Variants in NFIB observed in about 807,000 individuals in gnomAD.
The protein encoded by NFIB is nuclear factor 1 B-type.
A neutral mutation model predicts 61.5 loss-of-function variants in NFIB; 11 were observed. The observed-to-expected ratio is 0.18, with a 90% CI of 0.11 to 0.30. The LOEUF is 0.30. NFIB is among the 10% of genes least tolerant of loss of function. The pLI is 1.00. For missense variants in NFIB, 471 were observed against 608.9 expected, an observed-to-expected ratio of 0.77 and a Z score of 2.38; for synonymous variants, 260 against 216.5, an observed-to-expected ratio of 1.20 and a Z score of -1.76.
At chr9:14,506,283 T>C in the NFIB span, among the ~76,000 whole-genome samples, 11 of 152,242 alleles carry the variant, frequency 7.2e-5, no homozygotes, top group Admixed American at 4.6e-4. Context: ...TTTTTAGTGA[T>C]TCACCCTCTG....
chr9:14,093,322 T>G (rs926782358), intron 10 of NFIB: 1 of 152,110 alleles, frequency 6.6e-6, no homozygotes, highest in Non-Finnish European at 1.5e-5. Flanking sequence ...AACAATAGTA[T>G]TGTCCATTTA....
chr9:14,319,487 T>C (rs2060615310), intron 1 of NFIB, among the ~76,000 whole-genome samples: 1 of 152,364 alleles, frequency 6.6e-6, no homozygotes, highest in East Asian at 1.9e-4. Flanking sequence ...AAAGGTTCCA[T>C]ATACTCTCTC....
chr9:14,424,931 G>A, the NFIB span, among the ~76,000 whole-genome samples: 133,442 of 152,118 alleles, frequency 0.88, 58,557 homozygotes, highest in East Asian at 0.94. Flanking sequence ...GAGGATAATC[G>A]TGGCAAGAAA....
In NFIB at chr9:14,313,916, T is replaced by G; in HGVS notation, c.-405A>C. On this transcript the variant is annotated 5_prime_UTR_variant, in exon 1 of 11. Coordinates refer to ENST00000380953, the MANE Select transcript of NFIB (RefSeq NM_001190737.2). This position sits in a 1 kb window ranked among gnomAD's most constrained non-coding sequence, Gnocchi z 4.5. Reference sequence around the variant, plus strand: ...GGTGTGGGTTGGATTGGGGTGGTGGTTGGTGGTAAAATGCTTTTTCAAAAA... The same window carrying G: ...GGTGTGGGTTGGATTGGGGTGGTGGGTGGTGGTAAAATGCTTTTTCAAAAA... The G allele has an allele frequency of 9.7e-7, 1 of 1,031,408 alleles. No homozygotes were observed. Among genetic ancestry groups the G allele is most frequent in the Non-Finnish European group, 1.2e-6 (1 of 863,612 alleles). The allele number at this position is 1,031,408 out of a possible 1,614,324, so 63.9% of individuals were successfully genotyped here. A position where few individuals can be genotyped will look rare whatever the true frequency, so the allele number is the denominator to read the frequency against.
intron 1 of NFIB, chr9:14,362,629 C>T (rs541916320): frequency 6.6e-6 from 1 of 151,944 alleles, no homozygotes; most frequent in East Asian, 1.9e-4. Context: ...GGTCCCGTGG[C>T]TCATATCTAT....
intron 1 of NFIB, among the ~76,000 whole-genome samples, chr9:14,324,252 T>A (rs2060725864): frequency 6.6e-6 from 1 of 152,190 alleles, no homozygotes; most frequent in Non-Finnish European, 1.5e-5. Flanking sequence ...AATAGTAGTT[T>A]CATGGTCAAG....
At chr9:14,135,373 G>A (rs1239578327) in intron 6 of NFIB, among the ~76,000 whole-genome samples, 1 of 152,166 alleles carries the variant, frequency 6.6e-6, no homozygotes, top group Non-Finnish European at 1.5e-5. Context: ...TTGCAAAACT[G>A]TAAAATGAAA....
intron 2 of NFIB, among the ~76,000 whole-genome samples, chr9:14,243,677 A>AT (rs2054579219): frequency 6.6e-6 from 1 of 152,046 alleles, no homozygotes; most frequent in Non-Finnish European, 1.5e-5. Context: ...ATTGTATTTC[A>AT]TTTTTTTCTC....
rs143179548 is a variant in NFIB, at chr9:14,159,394, G to A, written c.617-3501C>T. ...TGGATAAAATGCAAAAAACCACAGAGGTCCCACTGGGCTCTACTCCTGCAT... is the reference window on the plus strand; with the variant it reads ...TGGATAAAATGCAAAAAACCACAGAAGTCCCACTGGGCTCTACTCCTGCAT... On this transcript the variant is annotated intron_variant, in intron 3 of 10. Transcript: ENST00000380953. 6.6e-5 allele frequency among the ~76,000 whole-genome samples: 10 copies of A among 152,258 alleles called. No homozygotes were observed. The East Asian group carries it at 1.5e-3, about 24-fold the overall frequency.
intron 2 of NFIB, among the ~76,000 whole-genome samples, chr9:14,184,016 C>G (rs2047080261): frequency 6.6e-6 from 1 of 152,192 alleles, no homozygotes; most frequent in Non-Finnish European, 1.5e-5. Flanking sequence ...CATTCATGCA[C>G]GACCCTTACC....
At chr9:14,474,559 C>A in the NFIB span, among the ~76,000 whole-genome samples, 1 of 152,180 alleles carries the variant, frequency 6.6e-6, no homozygotes, top group Non-Finnish European at 1.5e-5. Context: ...AAGCATCAAC[C>A]TTAAAATCTA....
At chr9:14,458,984 G>A in the NFIB span, among the ~76,000 whole-genome samples, 25 of 152,120 alleles carry the variant, frequency 1.6e-4, no homozygotes, top group African/African-American at 5.5e-4. Flanking sequence ...ATCGAGCTAC[G>A]ATGACTTTCT....
intron 2 of NFIB, among the ~76,000 whole-genome samples, chr9:14,265,865 T>A (rs1407018793): frequency 6.6e-6 from 1 of 152,268 alleles, no homozygotes. Flanking sequence ...CAGTCTTATG[T>A]TAGGGAAGTA....
At position 14,120,961 on chromosome 9, in the gene NFIB, C is replaced by A. The variant is rs2038850401; in HGVS notation, c.1061-337G>T. ...AGATATATCCCGTTGAAAACATATT[C>A]TTTGATTATAAAATCTTTAGGCCGG... On this transcript the variant is annotated intron_variant, in intron 7 of 10. Transcript: ENST00000380953. This position sits in a 1 kb window ranked among gnomAD's most constrained non-coding sequence, Gnocchi z 4.4. 6.6e-6 allele frequency among the ~76,000 whole-genome samples: 1 copy of A among 152,102 alleles called. No individual in the cohort carries two copies. The highest frequency in any genetic ancestry group is 2.4e-5 in the African/African-American group (1 of 41,420).
At chr9:14,426,885 C>T in the NFIB span, among the ~76,000 whole-genome samples, 1 of 152,120 alleles carries the variant, frequency 6.6e-6, no homozygotes, top group Non-Finnish European at 1.5e-5. Flanking sequence ...TCCCTTCAGA[C>T]CTCACTGCAC....
chr9:14,228,194 A>AT (rs1292962772), intron 2 of NFIB, among the ~76,000 whole-genome samples: 19 of 133,608 alleles, frequency 1.4e-4, no homozygotes, highest in Non-Finnish European at 2.0e-4. Context: ...AAACTTTATG[A>AT]TTCTTTTTTT....
rs5896627 is a variant in NFIB, at chr9:14,332,330, C to CAAAA, written c.109-24814_109-24811dup. ...CCTGGGCAACAGAGCGAGACTCCGT[C>CAAAA]AAAAAAAAAAAAAAAAAAAACACAC... On this transcript the variant is annotated intron_variant, in intron 1 of 8. Coordinates refer to the NFIB transcript ENST00000380934. 3.8e-4 allele frequency among the ~76,000 whole-genome samples: 41 copies of CAAAA among 108,050 alleles called. No homozygotes were observed. The South Asian group carries it at 0.013, about 35-fold the overall frequency. The allele number at this position is 108,050 out of a possible 152,430, so 70.9% of individuals were successfully genotyped here.
the NFIB span, among the ~76,000 whole-genome samples, chr9:14,514,374 C>A: frequency 6.6e-6 from 1 of 150,512 alleles, no homozygotes; most frequent in Non-Finnish European, 1.5e-5. Flanking sequence ...TGGGCATGCA[C>A]ACCCGCTTGG....
the NFIB span, among the ~76,000 whole-genome samples, chr9:14,502,986 C>T: frequency 6.6e-6 from 1 of 151,874 alleles, no homozygotes; most frequent in African/African-American, 2.4e-5. Flanking sequence ...TTTCAGTTTT[C>T]CATTTCTGAT....
Sources: gnomAD v4.1 joint callset for allele counts (sites outside exome capture counted in the v4.1 genomes callset) on GRCh38, gnomAD v4.1.1 for gene constraint, Gnocchi (gnomAD v3.1) non-coding constraint, MANE v1.5 for transcripts, NCBI Gene and HGNC (gene_info 2026-07-23, HGNC 2026-07-21) for gene names.